Variants in RBM47 observed in about 807,000 individuals in gnomAD.
RBM47 encodes the protein RNA binding motif protein 47, also known as RNA-binding protein 47.
A neutral mutation model predicts 47.1 loss-of-function variants in RBM47; 21 were observed. The observed-to-expected ratio is 0.45, with a 90% CI of 0.32 to 0.64. RBM47 has a LOEUF of 0.64. Ranked by LOEUF, RBM47 falls within the 30% of genes least tolerant of loss-of-function variation. The probability of loss-of-function intolerance (pLI) is 0.05; values close to 1 mark genes in which losing one functional copy is unlikely to be tolerated. For missense variants in RBM47, 708 were observed against 870.9 expected (o/e 0.81, Z 2.35); for synonymous variants, 375 against 361.7 (o/e 1.04, Z -0.42).
chr4:40,437,090 A>AAAAAAAATATATATAT (rs1256296949), intron 4 of RBM47, among the ~76,000 whole-genome samples: 3 of 49,852 alleles, frequency 6.0e-5, no homozygotes, highest in African/African-American at 2.2e-4. Context: ...AAAAAAAAAA[A>AAAAAAAATATATATAT]ATATATATAT....
chr4:40,546,062 T>C (rs574435876), intron 1 of RBM47, among the ~76,000 whole-genome samples: 34 of 152,334 alleles, frequency 2.2e-4, no homozygotes, highest in African/African-American at 7.7e-4. Flanking sequence ...GTTTTAAATG[T>C]TCCTTCACCT....
intron 2 of RBM47, among the ~76,000 whole-genome samples, chr4:40,536,324 A>G (rs1727975904): frequency 6.6e-6 from 1 of 152,192 alleles, no homozygotes; most frequent in African/African-American, 2.4e-5. Flanking sequence ...ACTTTGATGC[A>G]TGTCTAATGA....
intron 2 of RBM47, among the ~76,000 whole-genome samples, chr4:40,485,654 T>A (rs897689759): frequency 1.3e-5 from 2 of 152,146 alleles, no homozygotes; most frequent in Admixed American, 6.5e-5. Flanking sequence ...GAGAATTACT[T>A]TGATCTAAAG....
chr4:40,537,297 G>C (rs1010971714), intron 2 of RBM47, among the ~76,000 whole-genome samples: 1 of 150,810 alleles, frequency 6.6e-6, no homozygotes, highest in Non-Finnish European at 1.5e-5. Flanking sequence ...TCTTAAGACA[G>C]CATCTCTCTC....
chr4:40,549,119 G>A (rs963192662), intron 1 of RBM47, among the ~76,000 whole-genome samples: 2 of 150,538 alleles, frequency 1.3e-5, no homozygotes, highest in Non-Finnish European at 2.9e-5. Context: ...TGGGGGGGGG[G>A]ACACAGAGCC....
upstream of RBM47, chr4:40,630,700 T>G (rs1241232206): frequency 6.6e-6 from 1 of 151,430 alleles, no homozygotes; most frequent in Non-Finnish European, 1.5e-5. Flanking sequence ...CTCTGGGGAG[T>G]TGGCTCGAAC....
At chr4:40,526,391 A>T (rs1240673972) in intron 2 of RBM47, among the ~76,000 whole-genome samples, 4 of 150,974 alleles carry the variant, frequency 2.6e-5, no homozygotes, top group Non-Finnish European at 5.9e-5. Context: ...ACAGGACCTT[A>T]GAACACTTCA....
Position 40,620,177 on chromosome 4 carries a change from T to C in RBM47, c.-240+9219A>G, listed in dbSNP as rs540972117. ...CACCATTGCACTCCAGCCTGGGCGATAGAGTGAGACTCAGTATGAAAAAAA... is the reference window on the plus strand; with the variant it reads ...CACCATTGCACTCCAGCCTGGGCGACAGAGTGAGACTCAGTATGAAAAAAA... On this transcript the variant is annotated intron_variant, in intron 1 of 6. Coordinates refer to ENST00000295971, the MANE Select transcript of RBM47 (RefSeq NM_001098634.2). 1.9e-4 allele frequency among the ~76,000 whole-genome samples: 24 copies of C among 124,634 alleles called. No homozygotes were observed. The South Asian group carries it at 3.1e-3, about 16-fold the overall frequency. The allele number at this position is 124,634 out of a possible 152,430, so 81.8% of individuals were successfully genotyped here. A position where few individuals can be genotyped will look rare whatever the true frequency, so the allele number is the denominator to read the frequency against.
chr4:40,450,576 T>C (rs574716800), intron 3 of RBM47, among the ~76,000 whole-genome samples: 1 of 152,204 alleles, frequency 6.6e-6, no homozygotes, highest in Non-Finnish European at 1.5e-5. Context: ...CACTCCAGCC[T>C]GGGTGACACA....
chr4:40,521,103 T>A (rs551881796), intron 2 of RBM47, among the ~76,000 whole-genome samples: 10 of 152,314 alleles, frequency 6.6e-5, no homozygotes, highest in African/African-American at 2.4e-4. Context: ...TACCTTTTTT[T>A]AAAGCCAATT....
intron 2 of RBM47, among the ~76,000 whole-genome samples, chr4:40,509,287 T>C (rs760230861): frequency 2.0e-5 from 3 of 152,198 alleles, no homozygotes; most frequent in Non-Finnish European, 4.4e-5. Flanking sequence ...ACATCACTTG[T>C]ATAGGATATT....
In RBM47 at chr4:40,541,466, G is replaced by T. The variant is rs146020144; in HGVS notation, c.-155+2956C>A. On this transcript the variant is annotated intron_variant, in intron 2 of 6. Coordinates refer to ENST00000295971, the MANE Select transcript of RBM47 (RefSeq NM_001098634.2). ...GAAAATGTCAACACTGCTGGGTGTG[G>T]TGGCTCACGCCTGTAATCCCAGCAC... Among the ~76,000 whole-genome samples, 950 of 152,244 alleles carry T rather than the reference G, an allele frequency of 6.2e-3. 9 individuals carry two copies. The highest frequency in any genetic ancestry group is 0.022 in the African/African-American group (906 of 41,546).
chr4:40,531,998 C>T (rs1727434392), intron 2 of RBM47, among the ~76,000 whole-genome samples: 1 of 151,232 alleles, frequency 6.6e-6, no homozygotes. Context: ...ATCAATCTCT[C>T]TCTTTTTTTT....
chr4:40,559,126 T>G (rs73147591), intron 1 of RBM47, among the ~76,000 whole-genome samples: 12,000 of 152,298 alleles, frequency 0.079, 1,354 homozygotes, highest in African/African-American at 0.25. Context: ...TATATTACCA[T>G]GACATAGATA....
chr4:40,433,785 TC>T (rs1417398934), intron 5 of RBM47, among the ~76,000 whole-genome samples: 5 of 152,130 alleles, frequency 3.3e-5, no homozygotes, highest in African/African-American at 1.2e-4. Context: ...AATAGCACAT[TC>T]CCCAGTTTCC....
At chr4:40,456,204 G>GT in intron 3 of RBM47, among the ~76,000 whole-genome samples, 1 of 152,218 alleles carries the variant, frequency 6.6e-6, no homozygotes, top group East Asian at 1.9e-4. Context: ...AATATTGCCT[G>GT]TTAACTAATT....
At chr4:40,496,526 A>G (rs982699460) in intron 2 of RBM47, among the ~76,000 whole-genome samples, 2 of 152,134 alleles carry the variant, frequency 1.3e-5, no homozygotes, top group Admixed American at 6.5e-5. Context: ...TTATCCAACC[A>G]TTGCAATTGT....
At chr4:40,583,629 C>T (rs10034670) in intron 1 of RBM47, among the ~76,000 whole-genome samples, 60,650 of 151,332 alleles carry the variant, frequency 0.4, 12,498 homozygotes, top group African/African-American at 0.42. Context: ...GAGGCCGAGA[C>T]GGGTGGATCA....
chr4:40,544,194 T>C (rs1728803647), intron 2 of RBM47: 1 of 152,240 alleles, frequency 6.6e-6, no homozygotes, highest in Admixed American at 6.5e-5. Flanking sequence ...ACCTCTGTCA[T>C]TCTTTTTGGC....
Sources: gnomAD v4.1 joint callset for allele counts (sites outside exome capture counted in the v4.1 genomes callset) on GRCh38, gnomAD v4.1.1 for gene constraint, MANE v1.5 for transcripts, NCBI Gene and HGNC (gene_info 2026-07-23, HGNC 2026-07-21) for gene names.